Variants in KSR2 observed in about 807,000 individuals in gnomAD.
The protein encoded by KSR2 is kinase suppressor of ras 2.
Under a neutral mutation model 107.8 loss-of-function variants are expected in KSR2, and 25 were observed. That is an observed-to-expected ratio of 0.23 (90% CI 0.17 to 0.32). The LOEUF is 0.32. KSR2 is among the 10% of genes least tolerant of loss of function. The probability of loss-of-function intolerance (pLI) is 1.00; values close to 1 mark genes in which losing one functional copy is unlikely to be tolerated. For synonymous variants in KSR2, 480 were observed against 507.0 expected, an observed-to-expected ratio of 0.95 and a Z score of 0.71; for missense variants, 887 against 1,268.9, an observed-to-expected ratio of 0.70 and a Z score of 4.57.
intron 5 of KSR2, among the ~76,000 whole-genome samples, chr12:117,620,579 T>C (rs1882141238): frequency 6.6e-6 from 1 of 152,164 alleles, no homozygotes; most frequent in Non-Finnish European, 1.5e-5. Flanking sequence ...CTATTGAAGC[T>C]TATGCACTCT....
At chr12:117,734,753 C>CATGG (rs11269090) in intron 4 of KSR2, among the ~76,000 whole-genome samples, 15 of 148,048 alleles carry the variant, frequency 1.0e-4, no homozygotes, top group East Asian at 2.1e-4. Flanking sequence ...TGCATGCATG[C>CATGG]ATGGATGGAT....
At chr12:117,678,102 A>ATTTTTT (rs35096843) in intron 4 of KSR2, among the ~76,000 whole-genome samples, 2 of 127,544 alleles carry the variant, frequency 1.6e-5, no homozygotes, top group Non-Finnish European at 1.7e-5. Flanking sequence ...AGCCCAGCTA[A>ATTTTTT]TTTTTTTTTT....
Position 117,686,049 on chromosome 12 carries a change from C to CT in KSR2, c.987-18392dup, listed in dbSNP as rs11317340. Among the ~76,000 whole-genome samples the CT allele has an allele frequency of 1.2e-4, 18 of 150,720 alleles. No homozygotes were observed. The East Asian group carries it at 2.0e-3, about 17-fold the overall frequency. On this transcript the variant is annotated intron_variant, in intron 4 of 19. Transcript: ENST00000339824. Reference sequence around the variant, plus strand: ...TCAGAGGCATCAGCTCATTTTATTCCTTTTTTTTTCTTTTTTTGAAACAGG... The same window carrying CT: ...TCAGAGGCATCAGCTCATTTTATTCCTTTTTTTTTTCTTTTTTTGAAACAGG...
In KSR2 at chr12:117,754,821, G is replaced by A. The variant is rs1888732040; in HGVS notation, c.986+6190C>T. Among the ~76,000 whole-genome samples, 2 of 152,052 alleles carry A rather than the reference G, an allele frequency of 1.3e-5. 1 individual carries two copies. The highest frequency in any genetic ancestry group is 1.3e-4 in the Admixed American group (2 of 15,262). On this transcript the variant is annotated intron_variant, in intron 4 of 19. Transcript: ENST00000339824. Reference sequence around the variant, plus strand: ...ATCTCAAAAAATAAAAATAAAAATAGCCTTCCTAGCCTTCCTCCAACCCAA... The same window carrying A: ...ATCTCAAAAAATAAAAATAAAAATAACCTTCCTAGCCTTCCTCCAACCCAA...
intron 14 of KSR2, among the ~76,000 whole-genome samples, chr12:117,496,853 A>ATTT (rs879774490): frequency 7.0e-6 from 1 of 143,236 alleles, no homozygotes; most frequent in Non-Finnish European, 1.5e-5. Flanking sequence ...CTGAACAGAG[A>ATTT]TTTTTTTTTT....
chr12:117,741,190 T>C (rs916656836), intron 4 of KSR2, among the ~76,000 whole-genome samples: 1 of 152,048 alleles, frequency 6.6e-6, no homozygotes, highest in Non-Finnish European at 1.5e-5. Flanking sequence ...GTATAACCTA[T>C]TGAATGAAAT....
rs144286470 is a variant in KSR2, at chr12:117,742,532, G to GGA, written c.986+18478_986+18479insTC. Among the ~76,000 whole-genome samples, 120 of 149,578 alleles carry GGA rather than the reference G, an allele frequency of 8.0e-4. 2 individuals are homozygous for GGA. The highest frequency in any genetic ancestry group is 1.1e-3 in the South Asian group (5 of 4,736). On this transcript the variant is annotated intron_variant, in intron 4 of 19. Transcript: ENST00000339824. ...AATGGATGGATGGATGGATGGATGG[G>GGA]TGGATGGATGGATGGATGGATGAAT...
At chr12:117,737,126 T>A (rs1243275715) in intron 4 of KSR2, among the ~76,000 whole-genome samples, 3 of 152,250 alleles carry the variant, frequency 2.0e-5, no homozygotes, top group Non-Finnish European at 4.4e-5. Context: ...CAATCCTTTG[T>A]GGCGAGAGTA....
chr12:117,648,519 G>A (rs957121666), intron 5 of KSR2, among the ~76,000 whole-genome samples: 4 of 152,140 alleles, frequency 2.6e-5, no homozygotes, highest in Admixed American at 2.6e-4. Context: ...ATGGATATGA[G>A]GATATGGCAG....
At chr12:117,506,756 G>T (rs1873706539) in intron 14 of KSR2, among the ~76,000 whole-genome samples, 1 of 152,094 alleles carries the variant, frequency 6.6e-6, no homozygotes, top group Non-Finnish European at 1.5e-5. Context: ...TAGTTCAGTG[G>T]TTCCCAGTCC....
intron 5 of KSR2, among the ~76,000 whole-genome samples, chr12:117,661,133 T>C (rs938213080): frequency 2.0e-5 from 3 of 152,230 alleles, no homozygotes; most frequent in East Asian, 1.9e-4. Context: ...AATTGAGAGA[T>C]GTTCTATAAA....
At chr12:117,783,310 A>C (rs1309951892) in intron 3 of KSR2, among the ~76,000 whole-genome samples, 1 of 152,194 alleles carries the variant, frequency 6.6e-6, no homozygotes, top group Non-Finnish European at 1.5e-5. Flanking sequence ...TAAGGCAAGC[A>C]AGGAAACAGC....
intron 1 of KSR2, among the ~76,000 whole-genome samples, chr12:117,866,942 A>G (rs1893492566): frequency 6.6e-6 from 1 of 152,162 alleles, no homozygotes; most frequent in Non-Finnish European, 1.5e-5. Flanking sequence ...CTACAAAAGA[A>G]AGTTCTGACT....
intron 5 of KSR2, among the ~76,000 whole-genome samples, chr12:117,655,192 C>T (rs761943578): frequency 6.6e-6 from 1 of 152,228 alleles, no homozygotes; most frequent in African/African-American, 2.4e-5. Flanking sequence ...CACAATGCTT[C>T]TGCCAAAACT....
intron 9 of KSR2, among the ~76,000 whole-genome samples, chr12:117,541,454 T>C (rs1592974011): frequency 6.6e-6 from 1 of 152,200 alleles, no homozygotes; most frequent in Non-Finnish European, 1.5e-5. Context: ...ACTTTTTGCT[T>C]TCACCAGATG....
chr12:117,469,928 T>TCCATCCATCCA (rs1871336838), intron 18 of KSR2, 133 bp from the exon 19 acceptor site: 7 of 751,210 alleles, frequency 9.3e-6, no homozygotes, highest in African/African-American at 2.3e-5. Flanking sequence ...CATTCATCCA[T>TCCATCCATCCA]CCATCCATCC....
chr12:117,559,629 C>T (rs1019915511), intron 7 of KSR2, among the ~76,000 whole-genome samples: 53 of 152,236 alleles, frequency 3.5e-4, no homozygotes, highest in Middle Eastern at 6.8e-3. Flanking sequence ...ATAATGAAAT[C>T]GGTGCCAGGT....
At chr12:117,671,220 C>T (rs565242098) in intron 4 of KSR2, among the ~76,000 whole-genome samples, 6 of 152,272 alleles carry the variant, frequency 3.9e-5, no homozygotes, top group East Asian at 1.9e-4. Context: ...TAATTCATTT[C>T]GGCATGGGTT....
chr12:117,658,038 G>T (rs1370758037), intron 5 of KSR2, among the ~76,000 whole-genome samples: 1 of 152,256 alleles, frequency 6.6e-6, no homozygotes, highest in Non-Finnish European at 1.5e-5. Flanking sequence ...TAATTCAGAT[G>T]GAAGTGATAA....
Sources: gnomAD v4.1 joint callset for allele counts (sites outside exome capture counted in the v4.1 genomes callset) on GRCh38, gnomAD v4.1.1 for gene constraint, MANE v1.5 for transcripts, NCBI Gene and HGNC (gene_info 2026-07-23, HGNC 2026-07-21) for gene names.